The following COL6A1 variants were observed in gnomAD, a reference collection of about 807,000 sequenced individuals.
COL6A1 encodes collagen alpha-1(VI) chain.
In COL6A1, 80 loss-of-function variants were observed where a neutral mutation model predicts 145.6. The ratio of observed to expected loss-of-function variants is 0.55; its 90% confidence interval spans 0.46 to 0.66. COL6A1 has a LOEUF of 0.66. COL6A1 is among the 30% of genes least tolerant of loss of function. The pLI is 0.00. For missense variants in COL6A1, 1,364 were observed against 1,473.8 expected, an observed-to-expected ratio of 0.93 and a Z score of 1.22; for synonymous variants, 638 against 622.8, an observed-to-expected ratio of 1.02 and a Z score of -0.36.
At chr21:45,984,596 C>T (rs751754357) in intron 3 of COL6A1, 127 bp downstream of exon 3, 1 of 818,466 alleles carries the variant, frequency 1.2e-6, no homozygotes, top group Non-Finnish European at 2.0e-6. Flanking sequence ...GGCTGCACGG[C>T]CTCCCTGACC....
At chr21:45,996,710 G>A (rs1385142473) in intron 20 of COL6A1, among the ~76,000 whole-genome samples, 1 of 152,220 alleles carries the variant, frequency 6.6e-6, no homozygotes, top group Non-Finnish European at 1.5e-5. Flanking sequence ...GCTGGGAAGT[G>A]CTTGGGGTGC....
intron 15 of COL6A1, among the ~76,000 whole-genome samples, chr21:45,991,555 G>GT (rs1340135333): frequency 6.6e-6 from 1 of 152,208 alleles, no homozygotes; most frequent in Non-Finnish European, 1.5e-5. Context: ...CGTTGCTGGT[G>GT]TTTTCTCTGG....
rs201734661 is a variant in COL6A1 at position 45,999,705 on chromosome 21, C to G, written c.1776+13C>G. On this transcript the variant is annotated intron_variant, in intron 27 of 34. Coordinates refer to ENST00000361866, the MANE Select transcript of COL6A1 (RefSeq NM_001848.3). ...GCCTGGGCCGGACGTAAGTGGGGCTCTGTGAACATTGCTGGGGGCGACCAC... is the reference window on the plus strand; with the variant it reads ...GCCTGGGCCGGACGTAAGTGGGGCTGTGTGAACATTGCTGGGGGCGACCAC... 6.2e-7 allele frequency: 1 copy of G among 1,609,874 alleles called. No individual in the cohort carries two copies.
rs149336488 is a variant in COL6A1 at position 46,001,444 on chromosome 21, C to T, written c.1956+58C>T. The T allele has an allele frequency of 4.7e-3, 7,481 of 1,594,582 alleles. 25 individuals carry two copies. Among genetic ancestry groups the T allele is most frequent in the Non-Finnish European group, 5.9e-3 (6,913 of 1,174,846 alleles). On this transcript the variant is annotated intron_variant, in intron 30 of 34. Transcript: ENST00000361866. ...CCAGGTGCACCCCGACCCTGCCGGC[C>T]GCCCCTGCCCGCGCCAGACCTCAGC... is the stretch of plus-strand genomic sequence containing the variant.
chr21:45,987,455 C>A (rs904455758), intron 6 of COL6A1, 44 bp from the exon 7 acceptor site: 3 of 1,612,502 alleles, frequency 1.9e-6, no homozygotes, highest in African/African-American at 2.7e-5. Context: ...AGCCGTATGT[C>A]CGTGGCTTTC....
At chr21:45,985,460 C>T (rs573317702) in intron 3 of COL6A1, among the ~76,000 whole-genome samples, 3 of 152,092 alleles carry the variant, frequency 2.0e-5, no homozygotes, top group South Asian at 4.2e-4. Flanking sequence ...CTGAGAGAGA[C>T]GGGGTGGTTT....
At position 45,982,682 on chromosome 21, in the gene COL6A1, C is replaced by G; in HGVS notation, c.146C>G (p.Ala49Gly). Residue 49 changes from alanine (A) to glycine (G), a missense_variant, in exon 2 of 35, where the codon GCC becomes GGC. Around this residue, in one of 3 missense-constraint regions of COL6A1, gnomAD observed 414 missense variants for 437.6 expected, o/e 0.95. Transcript: ENST00000361866. ...GTGCTGGACACCTCTGAGAGCGTGGCCCTGAGGCTGAAGCCCTACGGGGCC... is the reference window on the plus strand; with the variant it reads ...GTGCTGGACACCTCTGAGAGCGTGGGCCTGAGGCTGAAGCCCTACGGGGCC... Reference protein sequence around the residue: ...FFVLDTSESVALRLKPYGALV... With the variant: ...FFVLDTSESVGLRLKPYGALV... 6.2e-7 allele frequency: 1 copy of G among 1,612,872 alleles called. No homozygotes were observed. Among genetic ancestry groups the G allele is most frequent in the Non-Finnish European group, 8.5e-7 (1 of 1,179,968 alleles).
Position 46,001,963 on chromosome 21 carries a change from C to T in COL6A1, c.1959C>T (p.Phe653=), listed in dbSNP as rs112104768. Residue 653 remains phenylalanine (F), a splice_region_variant and synonymous_variant, in exon 31 of 35, where the codon TTC becomes TTT. Coordinates refer to ENST00000361866, the MANE Select transcript of COL6A1 (RefSeq NM_001848.3). ...DRLSRDELVK[F]EPGQSYAGVV... The stretch of plus-strand genomic sequence containing the variant: ...TGACCCCGGTGCCGGTCCCACAGTT[C>T]GAGCCAGGGCAGTCGTACGCGGGTG... 8.1e-5 allele frequency: 131 copies of T among 1,612,046 alleles called. No individual in the cohort carries two copies. The African/African-American group carries it at 8.7e-4, about 11-fold the overall frequency.
Position 45,999,792 on chromosome 21 carries a change from C to CG in COL6A1, c.1776+107dup, listed in dbSNP as rs11464071. 0.44 allele frequency: 367,730 copies of CG among 827,010 alleles called. 111,959 individuals are homozygous for CG. Among genetic ancestry groups the CG allele is most frequent in the East Asian group, 0.62 (18,503 of 29,624 alleles). The allele number at this position is 827,010 out of a possible 1,614,324, so 51.2% of individuals were successfully genotyped here. The stretch of plus-strand genomic sequence containing the variant: ...TGGGTGCTCCTGTAGACGCTGCTCA[C>CG]GGGGGGGTGGGTTGTGGACAAAGAG... On this transcript the variant is annotated intron_variant, in intron 27 of 34. Transcript: ENST00000361866.
rs749508751 is a variant in COL6A1 at position 45,989,061 on chromosome 21, C to T, written c.805-23C>T. On this transcript the variant is annotated intron_variant, in intron 8 of 34. Transcript: ENST00000361866. ...TTAGAAAGAAACGGGGCTGCCCCAA[C>T]CTTGACCTGTTTTGTGTTCCAGGGA... 1.9e-6 allele frequency: 3 copies of T among 1,610,878 alleles called. No homozygotes were observed. The Admixed American group carries it at 5.0e-5, about 27-fold the overall frequency.
Position 45,984,326 on chromosome 21 carries a change from C to T in COL6A1, c.285C>T (p.Asp95=), listed in dbSNP as rs145811554. Residue 95 remains aspartate, a synonymous_variant, in exon 3 of 35, where the codon GAC becomes GAT. Coordinates refer to ENST00000361866, the MANE Select transcript of COL6A1 (RefSeq NM_001848.3). ...VWNAGALHYS[D]EVEIIQGLTR... ...ACGCAGGCGCGCTGCACTACAGTGA[C>T]GAGGTGGAGATCATCCAAGGCCTCA... is the stretch of plus-strand genomic sequence containing the variant. 6.8e-6 allele frequency: 11 copies of T among 1,612,078 alleles called. No homozygotes were observed. The African/African-American group carries it at 9.3e-5, about 14-fold the overall frequency.
chr21:45,993,900 G>A (rs1336541369), intron 19 of COL6A1, among the ~76,000 whole-genome samples: 2 of 152,240 alleles, frequency 1.3e-5, no homozygotes, highest in African/African-American at 4.8e-5. Flanking sequence ...GCTTGCTGGA[G>A]AAGCAGGGAT....
chr21:45,986,955 G>A lies in COL6A1; in HGVS notation c.600G>A (p.Leu200=). 2 of 1,551,434 alleles carry A rather than the reference G, an allele frequency of 1.3e-6. No homozygotes were observed. Among genetic ancestry groups the A allele is most frequent in the East Asian group, 2.4e-5 (1 of 41,610 alleles). Reference sequence around the variant, plus strand: ...AACACTGCCCCCAGGAGCCGCGTCTGAGCATCATCGCCACGGACCACACGT... The same window carrying A: ...AACACTGCCCCCAGGAGCCGCGTCTAAGCATCATCGCCACGGACCACACGT... ...AITPDHLEPR[L]SIIATDHTYR... The change falls in exon 5 of 35, where the codon CTG becomes CTA. Residue 200 remains leucine (L), a synonymous_variant. Transcript: ENST00000361866.
intron 2 of COL6A1, among the ~76,000 whole-genome samples, chr21:45,983,809 T>C (rs904135507): frequency 3.2e-5 from 4 of 125,394 alleles, no homozygotes; most frequent in African/African-American, 9.1e-5. Flanking sequence ...TCGCTGCCAC[T>C]GGATTCCTGC....
intron 20 of COL6A1, among the ~76,000 whole-genome samples, chr21:45,995,656 T>G (rs1269392087): frequency 6.6e-6 from 1 of 152,198 alleles, no homozygotes; most frequent in African/African-American, 2.4e-5. Flanking sequence ...GCAGGCCGGC[T>G]GCAGGGCCTC....
Position 46,003,747 on chromosome 21 carries a change from C to T in COL6A1, c.2821C>T (p.Leu941Phe), listed in dbSNP as rs147882179. The change falls in exon 35 of 35, where the codon CTC becomes TTC. Residue 941 changes from leucine (L) to phenylalanine (F), a missense_variant. Leu to Phe is a conservative substitution (Grantham distance 22, BLOSUM62 0). Coordinates refer to ENST00000361866, the MANE Select transcript of COL6A1 (RefSeq NM_001848.3). ...CGGCGCTGCCAAGAAGAGGCTGCTG[C>T]TCTTCTCAGATGGCAACTCGCAGGG... ...SSGAAKKRLL[L>F]FSDGNSQGAT... The T allele has an allele frequency of 2.1e-4, 332 of 1,612,782 alleles. No homozygotes were observed. Among genetic ancestry groups the T allele is most frequent in the Middle Eastern group, 3.3e-4 (2 of 6,084 alleles).
chr21:45,989,819 A>C (rs1285977923), intron 11 of COL6A1, 41 bp downstream of exon 11: 1 of 1,612,216 alleles, frequency 6.2e-7, no homozygotes, highest in African/African-American at 1.3e-5. Context: ...CTCCAGGCGC[A>C]GATGTGCCAT....
At chr21:46,000,140 A>G (rs974329229) in intron 27 of COL6A1, among the ~76,000 whole-genome samples, 191 bp from the exon 28 acceptor site, 2 of 150,104 alleles carry the variant, frequency 1.3e-5, no homozygotes, top group South Asian at 4.3e-4. Flanking sequence ...CGCTGTTTCT[A>G]TGACCACGTC....
chr21:45,997,518 A>AG lies in COL6A1; in HGVS notation c.1461+41dup, dbSNP rs3216137. 0.74 allele frequency: 1,170,809 copies of AG among 1,574,486 alleles called. 433,533 individuals are homozygous for AG. The highest frequency in any genetic ancestry group is 0.84 in the Admixed American group (50,278 of 59,684). ...ACTCCCCACCCACACCCGCCCACCC[A>AG]GGGGGGCCTGAGGATCCAGAACCCA... On this transcript the variant is annotated intron_variant, in intron 21 of 34. Transcript: ENST00000361866.
Sources: gnomAD v4.1 joint callset for allele counts (sites outside exome capture counted in the v4.1 genomes callset) on GRCh38, gnomAD v4.1.1 for gene constraint, gnomAD v4.1.1 regional missense constraint, MANE v1.5 for transcripts, NCBI Gene and HGNC (gene_info 2026-07-23, HGNC 2026-07-21) for gene names.